Variants in FGD5 observed in about 807,000 individuals in gnomAD.
FGD5 encodes the protein FYVE, RhoGEF and PH domain containing 5, also known as FYVE, RhoGEF and PH domain-containing protein 5.
FGD5 carries 28 observed loss-of-function variants against 133.4 expected under a neutral mutation model. The ratio of observed to expected loss-of-function variants is 0.21; its 90% CI spans 0.16 to 0.29. The LOEUF (loss-of-function observed/expected upper bound fraction) is 0.29. Ranked by LOEUF, FGD5 falls within the 10% of genes least tolerant of loss-of-function variation. The probability of loss-of-function intolerance (pLI) is 1.00; values close to 1 mark genes in which losing one functional copy is unlikely to be tolerated. For missense variants in FGD5, 1,858 were observed against 1,895.2 expected, an observed-to-expected ratio of 0.98 and a Z score of 0.36; for synonymous variants, 810 against 776.5, an observed-to-expected ratio of 1.04 and a Z score of -0.72.
intron 17 of FGD5, 126 bp from the exon 18 acceptor site, chr3:14,925,944 C>G: frequency 7.9e-7 from 1 of 1,264,462 alleles, no homozygotes; most frequent in Non-Finnish European, 1.1e-6. Flanking sequence ...ATCCTGAGAC[C>G]TTATCCAGTG....
At chr3:14,816,287 C>G (rs1182208914), upstream of FGD5, among the ~76,000 whole-genome samples, 1 of 152,134 alleles carries the variant, frequency 6.6e-6, no homozygotes, top group African/African-American at 2.4e-5. Flanking sequence ...GTCCCACCCC[C>G]AAAGAATAAT....
chr3:14,865,815 C>T (rs1412717773), intron 2 of FGD5, among the ~76,000 whole-genome samples: 4 of 152,224 alleles, frequency 2.6e-5, no homozygotes, highest in South Asian at 2.1e-4. Context: ...CCTATCACTG[C>T]GGGCCTTCTC....
chr3:14,876,168 C>T (rs2037715710), intron 2 of FGD5, among the ~76,000 whole-genome samples: 1 of 152,126 alleles, frequency 6.6e-6, no homozygotes, highest in Non-Finnish European at 1.5e-5. Flanking sequence ...GGGGACCATC[C>T]TGAGGGACAG....
At position 14,917,367 on chromosome 3, in the gene FGD5, G is replaced by A; in HGVS notation, c.3489+35G>A. ...TGGTGCCAGGTACCCCCGGGTTGGG[G>A]GACAGGGAGACCCCAGGGGAGAAGG... On this transcript the variant is annotated intron_variant, in intron 12 of 19. Transcript: ENST00000285046. The surrounding 1 kb of genome is among the most constrained non-coding windows in gnomAD (Gnocchi z 4.1). The A allele has an allele frequency of 1.9e-6, 3 of 1,587,746 alleles. No individual in the cohort carries two copies. Among genetic ancestry groups the A allele is most frequent in the Non-Finnish European group, 2.6e-6 (3 of 1,164,304 alleles).
At chr3:14,852,410 C>G (rs535939670) in intron 1 of FGD5, among the ~76,000 whole-genome samples, 1 of 152,346 alleles carries the variant, frequency 6.6e-6, no homozygotes, top group Admixed American at 6.5e-5. Context: ...GGGAAGTAGA[C>G]TAGCGGTTGC....
At chr3:14,932,765 TG>T (rs1559511651) in intron 19 of FGD5, 34 bp downstream of exon 19, 1 of 1,598,590 alleles carries the variant, frequency 6.3e-7, no homozygotes, top group Admixed American at 1.7e-5. Flanking sequence ...TATAGCTTTT[TG>T]TTCTCTCAGA....
At chr3:14,859,328 G>A (rs932587037) in intron 1 of FGD5, among the ~76,000 whole-genome samples, 4 of 152,052 alleles carry the variant, frequency 2.6e-5, no homozygotes, top group East Asian at 1.9e-4. Context: ...AGGCTGAGGC[G>A]GGCAGATCGC....
intron 18 of FGD5, among the ~76,000 whole-genome samples, chr3:14,927,010 C>G (rs1364362534): frequency 6.6e-6 from 1 of 152,182 alleles, no homozygotes; most frequent in Non-Finnish European, 1.5e-5. Context: ...CATGAAGCTT[C>G]CCTCTGGAAG....
intron 2 of FGD5, among the ~76,000 whole-genome samples, chr3:14,867,885 T>C (rs1428544011): frequency 6.6e-6 from 1 of 152,068 alleles, no homozygotes; most frequent in Non-Finnish European, 1.5e-5. Context: ...GAAGGTGTGA[T>C]TGAGGAGTGG....
chr3:14,906,661 C>T (rs1575248370), intron 9 of FGD5, among the ~76,000 whole-genome samples: 1 of 152,274 alleles, frequency 6.6e-6, no homozygotes, highest in African/African-American at 2.4e-5. Context: ...TCTAAACTGG[C>T]ACCAGCCCAC....
At position 14,864,129 on chromosome 3, in the gene FGD5, G is replaced by A. The variant is rs540056305; in HGVS notation, c.2527G>A (p.Ala843Thr). 25 of 1,613,024 alleles carry A rather than the reference G, an allele frequency of 1.5e-5. No homozygotes were observed. In the East Asian group the frequency reaches 2.0e-4, roughly 13 times the overall value. ...QQSADQDAES[A>T]YTEPYKVCPI... ...CTTCTTTCCCCTGCTTTGACCCAGC[G>A]CCTACACAGAGCCCTACAAAGTCTG... is the stretch of plus-strand genomic sequence containing the variant. The change falls in exon 2 of 20, where the codon GCC (alanine) becomes ACC (threonine). Residue 843 changes from alanine (A) to threonine (T), a missense_variant and splice_region_variant. Coordinates refer to ENST00000285046, the MANE Select transcript of FGD5 (RefSeq NM_152536.4).
intron 11 of FGD5, among the ~76,000 whole-genome samples, chr3:14,913,133 T>C (rs2038483711): frequency 6.6e-6 from 1 of 152,142 alleles, no homozygotes; most frequent in Non-Finnish European, 1.5e-5. Context: ...CATGGTACAC[T>C]TACTACTTCT....
chr3:14,908,867 G>A lies in FGD5; in HGVS notation c.3336+1156G>A, dbSNP rs915639778. On this transcript the variant is annotated intron_variant, in intron 10 of 19. Transcript: ENST00000285046. ...TGCACTCCAGCCCGGGCGACAGTGCGAGACTCCCTCCCAAAAGAATAAATA... is the reference window on the plus strand; with the variant it reads ...TGCACTCCAGCCCGGGCGACAGTGCAAGACTCCCTCCCAAAAGAATAAATA... Among the ~76,000 whole-genome samples the A allele has an allele frequency of 4.6e-5, 7 of 151,794 alleles. No individual in the cohort carries two copies. In the South Asian group the frequency reaches 6.2e-4, roughly 14 times the overall value.
intron 1 of FGD5, among the ~76,000 whole-genome samples, chr3:14,846,746 G>T (rs1348762225): frequency 1.3e-5 from 2 of 152,242 alleles, no homozygotes; most frequent in African/African-American, 4.8e-5. Context: ...ACTGTGGGAC[G>T]CAGGCAGTCA....
intron 1 of FGD5, among the ~76,000 whole-genome samples, chr3:14,861,484 G>A (rs966929033): frequency 1.3e-5 from 2 of 152,316 alleles, no homozygotes; most frequent in Admixed American, 6.5e-5. Flanking sequence ...TATCACTGCA[G>A]TGACAGGCCC....
rs62241761 is a variant in FGD5 at position 14,863,359 on chromosome 3, G to T, written c.2526-769G>T. Among the ~76,000 whole-genome samples, 609 of 151,862 alleles carry T rather than the reference G, an allele frequency of 4.0e-3. 2 individuals are homozygous for T. The highest frequency in any genetic ancestry group is 6.8e-3 in the Non-Finnish European group (465 of 67,928). ...AAGGGCTGAGAGCCCCTGCTGTGGG[G>T]ATCACAGTTTGTGATTGTGCATGAG... On this transcript the variant is annotated intron_variant, in intron 1 of 19. Transcript: ENST00000285046.
intron 4 of FGD5, among the ~76,000 whole-genome samples, chr3:14,881,097 G>T (rs2037817400): frequency 6.6e-6 from 1 of 152,178 alleles, no homozygotes; most frequent in African/African-American, 2.4e-5. Context: ...ATTGCTATGT[G>T]TGAGTTTGTG....
At chr3:14,878,539 C>T (rs2037763308) in intron 2 of FGD5, among the ~76,000 whole-genome samples, 1 of 152,190 alleles carries the variant, frequency 6.6e-6, no homozygotes, top group African/African-American at 2.4e-5. Context: ...GTGCCAGGCA[C>T]AGTTCCAAGT....
chr3:14,898,138 G>T (rs1376183380), intron 6 of FGD5, 43 bp downstream of exon 6: 1 of 1,611,058 alleles, frequency 6.2e-7, no homozygotes, highest in Admixed American at 1.7e-5. Flanking sequence ...AAGGATGCAG[G>T]GGTTGAGGTG....
Sources: allele counts gnomAD v4.1 joint callset (sites outside exome capture counted in the v4.1 genomes callset), GRCh38; gene constraint gnomAD v4.1.1; non-coding constraint Gnocchi (gnomAD v3.1); transcripts MANE v1.5; gene names NCBI Gene and HGNC (gene_info 2026-07-23, HGNC 2026-07-21).